Variants in PIP4K2A observed in about 807,000 individuals in gnomAD.
PIP4K2A encodes the protein phosphatidylinositol 5-phosphate 4-kinase type-2 alpha.
Under a neutral mutation model 42.9 loss-of-function variants are expected in PIP4K2A, and 14 were observed. That is an observed-to-expected ratio of 0.33 (90% CI 0.22 to 0.51). The LOEUF (loss-of-function observed/expected upper bound fraction) is 0.51. Among genes scored for constraint, PIP4K2A ranks in the 20% least tolerant of loss-of-function variants. The pLI is 0.97. For synonymous variants in PIP4K2A, 192 were observed against 192.2 expected, an observed-to-expected ratio of 1.00 and a Z score of 0.01; for missense variants, 434 against 519.8, an observed-to-expected ratio of 0.83 and a Z score of 1.61.
At chr10:22,669,201 A>G (rs1485654238) in intron 1 of PIP4K2A, among the ~76,000 whole-genome samples, 2 of 152,192 alleles carry the variant, frequency 1.3e-5, no homozygotes, top group African/African-American at 4.8e-5. Flanking sequence ...AATGAGTAAA[A>G]AGGAAATTAG....
At position 22,541,935 on chromosome 10, in the gene PIP4K2A, C is replaced by CCCT. The variant is rs866170138; in HGVS notation, c.902_904dup (p.Glu301dup). On this transcript the variant is annotated inframe_insertion, in exon 8 of 10. Coordinates refer to ENST00000376573, the MANE Select transcript of PIP4K2A (RefSeq NM_005028.5). ...CACCGGGTGGGTGCCATCGCTCTCGCCCTCCTCCTCCCCATCGTTCTCCTC... is the reference window on the plus strand; with the variant it reads ...CACCGGGTGGGTGCCATCGCTCTCGCCCTCCTCCTCCTCCCCATCGTTCTCCTC... The CCCT allele has an allele frequency of 1.9e-6, 3 of 1,612,904 alleles. No homozygotes were observed. Among genetic ancestry groups the CCCT allele is most frequent in the Admixed American group, 1.7e-5 (1 of 60,002 alleles).
chr10:22,550,607 A>G (rs1285264423), intron 7 of PIP4K2A, 52 bp downstream of exon 7: 7 of 1,000,118 alleles, frequency 7.0e-6, no homozygotes, highest in African/African-American at 1.6e-5. Context: ...CTAAAACCCA[A>G]CAGGGCTGAT....
chr10:22,582,426 G>A (rs1279374443), intron 4 of PIP4K2A, among the ~76,000 whole-genome samples: 1 of 152,136 alleles, frequency 6.6e-6, no homozygotes, highest in Admixed American at 6.6e-5. Context: ...AGGGTTCTAA[G>A]TGATGTACTG....
intron 1 of PIP4K2A, among the ~76,000 whole-genome samples, chr10:22,632,861 C>G (rs777748405): frequency 6.6e-6 from 1 of 152,264 alleles, no homozygotes; most frequent in African/African-American, 2.4e-5. Flanking sequence ...AAATATCTTA[C>G]TTGTAGGAAG....
At chr10:22,670,882 A>G (rs1373908743) in intron 1 of PIP4K2A, among the ~76,000 whole-genome samples, 1 of 152,212 alleles carries the variant, frequency 6.6e-6, no homozygotes, top group African/African-American at 2.4e-5. Flanking sequence ...ACTAGAAACT[A>G]TAATTTGATT....
chr10:22,606,765 G>A (rs1339887027), intron 3 of PIP4K2A, among the ~76,000 whole-genome samples: 1 of 152,196 alleles, frequency 6.6e-6, no homozygotes. Context: ...ATCTTAAATT[G>A]AGGGCAGATT....
intron 1 of PIP4K2A, among the ~76,000 whole-genome samples, chr10:22,669,735 G>A (rs1028987250): frequency 6.6e-6 from 1 of 152,246 alleles, no homozygotes; most frequent in Non-Finnish European, 1.5e-5. Context: ...CAATGGGGCA[G>A]TGGAGCTTGG....
chr10:22,553,030 T>C (rs1386928276), intron 6 of PIP4K2A, among the ~76,000 whole-genome samples: 1 of 152,158 alleles, frequency 6.6e-6, no homozygotes, highest in African/African-American at 2.4e-5. Context: ...CCAGCAGAAT[T>C]ACCTCATGTG....
intron 1 of PIP4K2A, 72 bp from the exon 2 acceptor site, chr10:22,609,789 C>A (rs1039677690): frequency 1.1e-6 from 1 of 877,272 alleles, no homozygotes; most frequent in South Asian, 1.5e-5. Context: ...GAATGTGTAC[C>A]TTGGGAAAAA....
intron 1 of PIP4K2A, among the ~76,000 whole-genome samples, chr10:22,652,439 C>T (rs531357923): frequency 2.6e-5 from 4 of 152,274 alleles, no homozygotes; most frequent in African/African-American, 9.6e-5. Flanking sequence ...TAACTATCCA[C>T]TTTAGCAACT....
chr10:22,608,722 A>T (rs1234767186), intron 2 of PIP4K2A, among the ~76,000 whole-genome samples: 2 of 152,114 alleles, frequency 1.3e-5, no homozygotes, highest in African/African-American at 4.8e-5. Context: ...AAAGTTTTTT[A>T]AAAAATCAGC....
intron 4 of PIP4K2A, among the ~76,000 whole-genome samples, chr10:22,576,854 T>G (rs1416360038): frequency 6.6e-6 from 1 of 152,028 alleles, no homozygotes; most frequent in East Asian, 1.9e-4. Context: ...GGTGGGCGGA[T>G]AGCTTGAGAT....
intron 7 of PIP4K2A, among the ~76,000 whole-genome samples, chr10:22,548,824 T>C (rs971647295): frequency 4.0e-5 from 6 of 151,824 alleles, no homozygotes; most frequent in Non-Finnish European, 5.9e-5. Flanking sequence ...GGTGGGAGGA[T>C]TGCTTGAGGC....
At chr10:22,618,365 G>A (rs1416455818) in intron 1 of PIP4K2A, among the ~76,000 whole-genome samples, 1 of 152,070 alleles carries the variant, frequency 6.6e-6, no homozygotes, top group Non-Finnish European at 1.5e-5. Flanking sequence ...AGGTTCATTC[G>A]CTTTAAGAAG....
intron 7 of PIP4K2A, among the ~76,000 whole-genome samples, chr10:22,543,600 C>T (rs1258309170): frequency 1.3e-5 from 2 of 152,178 alleles, no homozygotes; most frequent in Admixed American, 6.5e-5. Flanking sequence ...ACTGACTTTC[C>T]ACTTGCACCT....
chr10:22,638,659 G>A (rs1750773), intron 1 of PIP4K2A, among the ~76,000 whole-genome samples: 12,877 of 152,050 alleles, frequency 0.085, 969 homozygotes, highest in African/African-American at 0.2. Context: ...ATCAATTTTT[G>A]AAGGGGGAGG....
At chr10:22,572,538 G>T (rs1175563485) in intron 5 of PIP4K2A, among the ~76,000 whole-genome samples, 3 of 152,020 alleles carry the variant, frequency 2.0e-5, no homozygotes, top group Non-Finnish European at 4.4e-5. Context: ...CAGTGGGGCA[G>T]AGGTTGCCAT....
chr10:22,657,094 G>A lies in PIP4K2A; in HGVS notation c.145-47377C>T, dbSNP rs942873075. ...TGGCTCTAGGGCCATATTTTATTTT[G>A]CTTTATATCTGCCCCAACATCTAAT... On this transcript the variant is annotated intron_variant, in intron 1 of 9. Coordinates refer to ENST00000376573, the MANE Select transcript of PIP4K2A (RefSeq NM_005028.5). 2.6e-5 allele frequency among the ~76,000 whole-genome samples: 4 copies of A among 152,138 alleles called. No homozygotes were observed. The East Asian group carries it at 7.7e-4, about 29-fold the overall frequency.
intron 1 of PIP4K2A, among the ~76,000 whole-genome samples, chr10:22,627,588 TAATAAAAAAAAAAAAAAAAAAA>T (rs1838468642): frequency 7.7e-5 from 3 of 38,924 alleles, no homozygotes; most frequent in Admixed American, 4.3e-4. Flanking sequence ...AGCTAATATG[TAATAAAAAAAAAAAAAAAAAAA>T]AAAAAAAAAA....
Sources: allele counts gnomAD v4.1 joint callset (sites outside exome capture counted in the v4.1 genomes callset), GRCh38; gene constraint gnomAD v4.1.1; transcripts MANE v1.5; gene names NCBI Gene and HGNC (gene_info 2026-07-23, HGNC 2026-07-21).